RRM2: variants seen among roughly 807,000 people sequenced by gnomAD.
RRM2 encodes ribonucleoside-diphosphate reductase subunit M2.
RRM2 carries 6 observed loss-of-function variants against 45.9 expected under a neutral mutation model. The observed-to-expected ratio is 0.13, with a 90% confidence interval of 0.07 to 0.26. The LOEUF is 0.26. RRM2 is among the 10% of genes least tolerant of loss of function. The pLI, the probability that RRM2 is intolerant of heterozygous loss-of-function variation, is 1.00. For synonymous variants in RRM2, 177 were observed against 173.0 expected (o/e 1.02, Z -0.18); for missense variants, 343 against 489.5 (o/e 0.70, Z 2.82).
chr2:10,127,278 C>G lies in RRM2; in HGVS notation c.798+58C>G. 2 of 1,561,916 alleles carry G rather than the reference C, an allele frequency of 1.3e-6. No homozygotes were observed. The highest frequency in any genetic ancestry group is 1.7e-6 in the Non-Finnish European group (2 of 1,145,878). On this transcript the variant is annotated intron_variant, in intron 7 of 9. Coordinates refer to ENST00000304567, the MANE Select transcript of RRM2 (RefSeq NM_001034.4). This position sits in a 1 kb window ranked among gnomAD's most constrained non-coding sequence, Gnocchi z 4.1. Reference sequence around the variant, plus strand: ...ACCCCAAACACAACTCGGGCATGCTCTTGTGTTCACTGACGGGGACCTGAG... The same window carrying G: ...ACCCCAAACACAACTCGGGCATGCTGTTGTGTTCACTGACGGGGACCTGAG...
chr2:10,142,383 A>G, intron 3 of RRM2: 7 of 1,370,078 alleles, frequency 5.1e-6, no homozygotes, highest in South Asian at 1.1e-5. Context: ...CAGGTGAGAA[A>G]TGATGGCAAC....
At position 10,122,886 on chromosome 2, in the gene RRM2, A is replaced by C. The variant is rs1322917828; in HGVS notation, c.88A>C (p.Lys30Gln). The C allele has an allele frequency of 3.8e-6, 6 of 1,593,728 alleles. No individual in the cohort carries two copies. Among genetic ancestry groups the C allele is most frequent in the Non-Finnish European group, 5.1e-6 (6 of 1,172,652 alleles). Reference sequence around the variant, plus strand: ...GCTGAAGGGGCTCAGCTTGGTCGACAAGGAGAACACGGTGAGCCCGCGGGG... The same window carrying C: ...GCTGAAGGGGCTCAGCTTGGTCGACCAGGAGAACACGGTGAGCCCGCGGGG... ...SPLKGLSLVDKENTPPALSGT... is the reference protein window; with the variant it reads ...SPLKGLSLVDQENTPPALSGT... Residue 30 changes from lysine (K) to glutamine (Q), a missense_variant, in exon 1 of 10, where the codon AAG becomes CAG. Physicochemically the swap from Lys to Gln is moderately conservative, Grantham distance 53. This residue lies in a region of RRM2 where 131 missense variants were observed against 121.4 expected (regional missense o/e 1.08). Transcript: ENST00000304567.
intron 3 of RRM2, among the ~76,000 whole-genome samples, chr2:10,149,213 C>T (rs572613253): frequency 6.6e-6 from 1 of 151,792 alleles, no homozygotes; most frequent in African/African-American, 2.4e-5. Flanking sequence ...GCTGCAACCT[C>T]TGCCTCCTGG....
At chr2:10,210,648 G>T (rs749460311) in exon 4 of RRM2, 19 of 1,337,794 alleles carry the variant, frequency 1.4e-5, no homozygotes, top group Middle Eastern at 3.3e-4. Flanking sequence ...ATGCCGGAGT[G>T]GGGGAAATGG....
Position 10,129,356 on chromosome 2 carries a change from G to T in RRM2, c.1140G>T (p.Glu380Asp), listed in dbSNP as rs371457678. The change falls in exon 10 of 10, where the codon GAG becomes GAT. Residue 380 changes from glutamate to aspartate, a missense_variant. By Grantham distance (45) the Glu-to-Asp change is conservative. Around this residue, in one of 2 missense-constraint regions of RRM2, gnomAD observed 212 missense variants for 368.1 expected, o/e 0.58. Transcript: ENST00000304567. This position sits in a 1 kb window ranked among gnomAD's most constrained non-coding sequence, Gnocchi z 4.8. Reference protein sequence around the residue: ...QRMGVMSSPTENSFTLDADF With the variant: ...QRMGVMSSPTDNSFTLDADF ...TGGGAGTGATGTCAAGTCCAACAGA[G>T]AATTCTTTTACCTTGGATGCTGACT... 2 of 1,612,938 alleles carry T rather than the reference G, an allele frequency of 1.2e-6. No individual in the cohort carries two copies. The highest frequency in any genetic ancestry group is 1.3e-5 in the African/African-American group (1 of 74,968).
intron 3 of RRM2, among the ~76,000 whole-genome samples, chr2:10,194,532 G>A (rs1664373862): frequency 1.3e-5 from 2 of 152,214 alleles, no homozygotes; most frequent in African/African-American, 4.8e-5. Flanking sequence ...TGGCTCCTGG[G>A]CTAACGGTGC....
intron 3 of RRM2, among the ~76,000 whole-genome samples, chr2:10,157,086 T>C (rs1434377193): frequency 7.4e-6 from 1 of 135,384 alleles, no homozygotes; most frequent in Non-Finnish European, 1.5e-5. Flanking sequence ...CGGACTGCAG[T>C]GGCGCAATCT....
intron 3 of RRM2, among the ~76,000 whole-genome samples, chr2:10,168,878 A>G (rs75397449): frequency 6.6e-6 from 1 of 150,664 alleles, no homozygotes; most frequent in African/African-American, 2.5e-5. Context: ...AGTGGCTCCC[A>G]ACTCCCATCA....
At position 10,196,866 on chromosome 2, in the gene RRM2, G is replaced by A. The variant is rs144199982; in HGVS notation, n.483-13445G>A. Among the ~76,000 whole-genome samples the A allele has an allele frequency of 1.8e-4, 27 of 152,298 alleles. No individual in the cohort carries two copies. The East Asian group carries it at 5.0e-3, about 28-fold the overall frequency. On this transcript the variant is annotated intron_variant and non_coding_transcript_variant, in intron 3 of 3. Coordinates refer to the RRM2 transcript ENST00000381786. Reference sequence around the variant, plus strand: ...GGCTGGGGTCCCCTGCCCCCTGATGGGAAGGAGACTGCGTGGCTGGGGTCC... The same window carrying A: ...GGCTGGGGTCCCCTGCCCCCTGATGAGAAGGAGACTGCGTGGCTGGGGTCC...
At position 10,195,794 on chromosome 2, in the gene RRM2, G is replaced by GT. The variant is rs1044895554; in HGVS notation, n.483-14516dup. ...TCCTGTGTAGGACTGGTTGCCACAG[G>GT]TAAGTAGTGACCTGGCCTGGCCGAT... On this transcript the variant is annotated intron_variant and non_coding_transcript_variant, in intron 3 of 3. Coordinates refer to the RRM2 transcript ENST00000381786. The surrounding 1 kb of genome is among the most constrained non-coding windows in gnomAD (Gnocchi z 4.9). Among the ~76,000 whole-genome samples, 34 of 152,304 alleles carry GT rather than the reference G, an allele frequency of 2.2e-4. No individual in the cohort carries two copies. The highest frequency in any genetic ancestry group is 6.0e-4 in the African/African-American group (25 of 41,560).
At chr2:10,197,612 G>A (rs1426289039) in intron 3 of RRM2, among the ~76,000 whole-genome samples, 3 of 152,012 alleles carry the variant, frequency 2.0e-5, no homozygotes, top group African/African-American at 7.2e-5. Context: ...GAGTAGGGGG[G>A]CTGGGCGGTG....
At chr2:10,154,819 C>T (rs1663393071) in intron 3 of RRM2, among the ~76,000 whole-genome samples, 1 of 150,360 alleles carries the variant, frequency 6.7e-6, no homozygotes, top group Non-Finnish European at 1.5e-5. Flanking sequence ...CCTCAGCCTT[C>T]CCAAGTAGCT....
chr2:10,158,976 G>A (rs4669542), intron 3 of RRM2, among the ~76,000 whole-genome samples: 22,943 of 152,172 alleles, frequency 0.15, 1,850 homozygotes, highest in South Asian at 0.33. Context: ...GAACAGTGCC[G>A]CGGGGCTGGC....
intron 3 of RRM2, among the ~76,000 whole-genome samples, chr2:10,158,076 C>G (rs1438353590): frequency 1.3e-5 from 2 of 152,160 alleles, no homozygotes; most frequent in Non-Finnish European, 2.9e-5. Context: ...CTCTGGTCAT[C>G]TTCATAAATG....
chr2:10,142,010 G>A (rs1663094214), intron 2 of RRM2: 1 of 1,574,232 alleles, frequency 6.4e-7, no homozygotes, highest in Admixed American at 1.9e-5. Flanking sequence ...GAAGGGGCGG[G>A]CTATGCCCCT....
intron 3 of RRM2, among the ~76,000 whole-genome samples, chr2:10,145,015 G>A (rs1572499642): frequency 6.6e-6 from 1 of 152,330 alleles, no homozygotes; most frequent in Non-Finnish European, 1.5e-5. Context: ...AGAGGAGGTG[G>A]CCTTTCCCTT....
intron 3 of RRM2, among the ~76,000 whole-genome samples, chr2:10,199,630 A>C (rs1218983934): frequency 2.0e-5 from 3 of 151,738 alleles, no homozygotes; most frequent in Non-Finnish European, 4.4e-5. Context: ...AAATACAAAA[A>C]TTAGCTGGGT....
At chr2:10,152,343 AAT>A (rs2125315633) in intron 3 of RRM2, among the ~76,000 whole-genome samples, 1 of 152,188 alleles carries the variant, frequency 6.6e-6, no homozygotes, top group South Asian at 2.1e-4. Flanking sequence ...ATGACTTGTA[AAT>A]ATTTTCTGTA....
At chr2:10,158,095 TG>T (rs757768189) in intron 3 of RRM2, among the ~76,000 whole-genome samples, 7 of 152,176 alleles carry the variant, frequency 4.6e-5, no homozygotes, top group Non-Finnish European at 7.3e-5. Context: ...TGCTGCCATA[TG>T]TAATCCTTGC....
Sources: allele counts gnomAD v4.1 joint callset (sites outside exome capture counted in the v4.1 genomes callset), GRCh38; gene constraint gnomAD v4.1.1; regional missense constraint gnomAD v4.1.1; non-coding constraint Gnocchi (gnomAD v3.1); transcripts MANE v1.5; gene names NCBI Gene and HGNC (gene_info 2026-07-23, HGNC 2026-07-21).